Variants in KCNJ3 observed in about 807,000 individuals in gnomAD.
The protein encoded by KCNJ3 is potassium inwardly rectifying channel subfamily J member 3, also known as G protein-activated inward rectifier potassium channel 1.
In KCNJ3, 4 loss-of-function variants were observed where a neutral mutation model predicts 39.2. The ratio of observed to expected loss-of-function variants is 0.10; its 90% confidence interval spans 0.05 to 0.23. The LOEUF (loss-of-function observed/expected upper bound fraction) is 0.23, where lower values mean the gene tolerates loss of function less well. Ranked by LOEUF, KCNJ3 falls within the 10% of genes least tolerant of loss-of-function variation. The probability of loss-of-function intolerance (pLI) is 1.00; values close to 1 mark genes in which losing one functional copy is unlikely to be tolerated. For missense variants in KCNJ3, 276 were observed against 634.9 expected (o/e 0.43, Z 6.08); for synonymous variants, 230 against 237.4 (o/e 0.97, Z 0.29).
chr2:154,854,263 C>T (rs1180497270), intron 2 of KCNJ3, among the ~76,000 whole-genome samples: 1 of 152,090 alleles, frequency 6.6e-6, no homozygotes, highest in Non-Finnish European at 1.5e-5. Flanking sequence ...GTTGACAGTG[C>T]TTTACTCTGC....
chr2:154,738,444 A>G (rs1383837382), intron 2 of KCNJ3, among the ~76,000 whole-genome samples: 1 of 152,134 alleles, frequency 6.6e-6, no homozygotes, highest in East Asian at 1.9e-4. Flanking sequence ...AACTCAAAGA[A>G]TAAATGCCCA....
intron 2 of KCNJ3, among the ~76,000 whole-genome samples, chr2:154,748,143 A>G (rs552657054): frequency 1.1e-4 from 16 of 152,168 alleles, no homozygotes; most frequent in Non-Finnish European, 1.8e-4. Context: ...ATTATTTTTA[A>G]TTTTTTGAAA....
intron 2 of KCNJ3, among the ~76,000 whole-genome samples, chr2:154,831,693 ACG>A (rs1323652550): frequency 6.6e-6 from 1 of 152,192 alleles, no homozygotes; most frequent in Non-Finnish European, 1.5e-5. Context: ...AATTTATGCA[ACG>A]ATACCACCAA....
intron 2 of KCNJ3, among the ~76,000 whole-genome samples, chr2:154,718,893 T>C (rs1237785712): frequency 6.6e-6 from 1 of 152,152 alleles, no homozygotes; most frequent in East Asian, 1.9e-4. Context: ...TAGACTTATA[T>C]GGATAAAGGA....
chr2:154,760,735 C>CTTTTTTT (rs887796000), intron 2 of KCNJ3, among the ~76,000 whole-genome samples: 3 of 127,748 alleles, frequency 2.3e-5, no homozygotes, highest in Non-Finnish European at 3.3e-5. Flanking sequence ...TCTTTTTTTT[C>CTTTTTTT]TTTTTTTTTT....
rs373777351 is a variant in KCNJ3, at chr2:154,839,527, T to C, written c.920-15200T>C. Among the ~76,000 whole-genome samples the C allele has an allele frequency of 1.5e-4, 23 of 152,330 alleles. No individual in the cohort carries two copies. In the East Asian group the frequency reaches 2.1e-3, roughly 14 times the overall value. ...ATTGCCACACTGTCTTCCACAATGGTTGAACTAATTTACACTCCCACCAAC... is the reference window on the plus strand; with the variant it reads ...ATTGCCACACTGTCTTCCACAATGGCTGAACTAATTTACACTCCCACCAAC... On this transcript the variant is annotated intron_variant, in intron 2 of 2. Coordinates refer to ENST00000295101, the MANE Select transcript of KCNJ3 (RefSeq NM_002239.4).
chr2:154,760,896 C>T (rs1686029129), intron 2 of KCNJ3, among the ~76,000 whole-genome samples: 1 of 151,188 alleles, frequency 6.6e-6, no homozygotes, highest in Non-Finnish European at 1.5e-5. Flanking sequence ...GCCACCACAC[C>T]CAGCTAATTT....
chr2:154,834,271 G>C (rs1191034845), intron 2 of KCNJ3, among the ~76,000 whole-genome samples: 2 of 151,988 alleles, frequency 1.3e-5, no homozygotes, highest in East Asian at 3.9e-4. Flanking sequence ...GTTTTAGTTT[G>C]CAATTTTCTG....
At chr2:154,700,556 A>G (rs76719018) in intron 1 of KCNJ3, among the ~76,000 whole-genome samples, 2 of 152,202 alleles carry the variant, frequency 1.3e-5, no homozygotes, top group African/African-American at 4.8e-5. Flanking sequence ...TATTTATCTG[A>G]GGTTGCGTAG....
At chr2:154,713,188 T>G (rs1178097900) in intron 2 of KCNJ3, among the ~76,000 whole-genome samples, 1 of 152,038 alleles carries the variant, frequency 6.6e-6, no homozygotes, top group East Asian at 1.9e-4. Flanking sequence ...TTTAGTAATC[T>G]CAAAATGTAT....
At position 154,855,073 on chromosome 2, in the gene KCNJ3, A is replaced by G; in HGVS notation, c.1266A>G (p.Thr422=). The G allele has an allele frequency of 6.2e-7, 1 of 1,614,122 alleles. No homozygotes were observed. The highest frequency in any genetic ancestry group is 1.7e-5 in the Admixed American group (1 of 60,008). ...FPKKLLRMSS[T]TSEKAYSLGD... ...AAAAACTCTTGAGGATGAGTTCTAC[A>G]ACTTCAGAAAAAGCCTACAGCTTGG... Residue 422 remains threonine (T), a synonymous_variant, in exon 3 of 3, where the codon ACA becomes ACG. Transcript: ENST00000295101.
At chr2:154,810,093 A>G (rs1037921428) in intron 2 of KCNJ3, among the ~76,000 whole-genome samples, 1 of 151,820 alleles carries the variant, frequency 6.6e-6, no homozygotes, top group Non-Finnish European at 1.5e-5. Context: ...CTCTCTGCCT[A>G]CTTTTTTAGA....
intron 2 of KCNJ3, among the ~76,000 whole-genome samples, chr2:154,775,301 G>A (rs1022986965): frequency 7.2e-5 from 11 of 152,010 alleles, no homozygotes; most frequent in African/African-American, 2.7e-4. Context: ...ACTTATAAAT[G>A]ACATGTTTTC....
chr2:154,748,973 C>T (rs888056680), intron 2 of KCNJ3, among the ~76,000 whole-genome samples: 4 of 152,140 alleles, frequency 2.6e-5, no homozygotes, highest in Admixed American at 6.6e-5. Context: ...TGACTTATTG[C>T]AATGGAGAAC....
intron 2 of KCNJ3, among the ~76,000 whole-genome samples, chr2:154,845,029 C>A (rs985246787): frequency 1.3e-5 from 2 of 152,150 alleles, no homozygotes; most frequent in East Asian, 3.9e-4. Flanking sequence ...CTGTCTTCTG[C>A]GTTGATCACA....
chr2:154,792,349 A>G (rs923805272), intron 2 of KCNJ3, among the ~76,000 whole-genome samples: 8 of 152,052 alleles, frequency 5.3e-5, no homozygotes, highest in African/African-American at 1.9e-4. Flanking sequence ...TCCACTGAAT[A>G]TACAATCTCT....
intron 2 of KCNJ3, among the ~76,000 whole-genome samples, chr2:154,845,769 G>A (rs1354383020): frequency 6.6e-6 from 1 of 151,964 alleles, no homozygotes; most frequent in African/African-American, 2.4e-5. Flanking sequence ...TCAGGAGTTC[G>A]AGACCAGCCT....
At chr2:154,778,160 T>C (rs1177347821) in intron 2 of KCNJ3, among the ~76,000 whole-genome samples, 1 of 152,188 alleles carries the variant, frequency 6.6e-6, no homozygotes, top group Non-Finnish European at 1.5e-5. Flanking sequence ...AATTTGATCA[T>C]TTAAATGATA....
intron 2 of KCNJ3, among the ~76,000 whole-genome samples, chr2:154,808,201 C>T (rs1686947858): frequency 6.6e-6 from 1 of 151,862 alleles, no homozygotes; most frequent in African/African-American, 2.4e-5. Context: ...CCTGCCTCAG[C>T]CTCCTAAGTA....
Sources: allele counts gnomAD v4.1 joint callset (sites outside exome capture counted in the v4.1 genomes callset), GRCh38; gene constraint gnomAD v4.1.1; transcripts MANE v1.5; gene names NCBI Gene and HGNC (gene_info 2026-07-23, HGNC 2026-07-21).